MAGI2: variants seen among roughly 807,000 people sequenced by gnomAD.
MAGI2 encodes the protein membrane-associated guanylate kinase, WW and PDZ domain-containing protein 2.
In MAGI2, 35 loss-of-function variants were observed where a neutral mutation model predicts 133.3. The ratio of observed to expected loss-of-function variants is 0.26; its 90% confidence interval spans 0.20 to 0.35. The LOEUF (loss-of-function observed/expected upper bound fraction) is 0.35, where lower values mean the gene tolerates loss of function less well. MAGI2 is among the 10% of genes least tolerant of loss of function. The pLI is 1.00. For synonymous variants in MAGI2, 729 were observed against 710.6 expected, an observed-to-expected ratio of 1.03 and a Z score of -0.41; for missense variants, 1,636 against 1,863.4, an observed-to-expected ratio of 0.88 and a Z score of 2.25.
intron 1 of MAGI2, among the ~76,000 whole-genome samples, chr7:79,382,095 G>A (rs1843832867): frequency 6.6e-6 from 1 of 151,512 alleles, no homozygotes; most frequent in African/African-American, 2.4e-5. Flanking sequence ...GGCAGGCAGA[G>A]GAAGAAATAA....
At chr7:78,160,354 T>C (rs1389939941) in intron 15 of MAGI2, 81 bp from the exon 16 acceptor site, 2 of 1,355,866 alleles carry the variant, frequency 1.5e-6, no homozygotes, top group East Asian at 2.5e-5. Context: ...GGCACTGTTC[T>C]AGACAGTGGT....
intron 1 of MAGI2, among the ~76,000 whole-genome samples, chr7:79,244,879 A>G (rs1202053464): frequency 6.6e-6 from 1 of 152,178 alleles, no homozygotes; most frequent in Non-Finnish European, 1.5e-5. Flanking sequence ...TGGGGAGAGT[A>G]AAGAGGACTT....
At chr7:78,318,734 C>A (rs1259372400) in intron 9 of MAGI2, among the ~76,000 whole-genome samples, 1 of 152,144 alleles carries the variant, frequency 6.6e-6, no homozygotes, top group African/African-American at 2.4e-5. Context: ...GGTCAGGTTA[C>A]CCACAAAAGG....
chr7:78,814,548 T>C (rs1176637886), intron 2 of MAGI2, among the ~76,000 whole-genome samples: 1 of 152,210 alleles, frequency 6.6e-6, no homozygotes, highest in Non-Finnish European at 1.5e-5. Flanking sequence ...TTTACGTGAA[T>C]TACATTAAAT....
rs888513439 is a variant in MAGI2 at position 78,710,050 on chromosome 7, C to T, written c.419-82811G>A. On this transcript the variant is annotated intron_variant, in intron 2 of 21. Coordinates refer to ENST00000354212, the MANE Select transcript of MAGI2 (RefSeq NM_012301.4). ...TATCCAGGAGGGTAAATGCAGCCCT[C>T]AACAGGGAAGGGACCTTTCACGAGA... is the stretch of plus-strand genomic sequence containing the variant. Among the ~76,000 whole-genome samples, 12 of 152,262 alleles carry T rather than the reference C, an allele frequency of 7.9e-5. No homozygotes were observed. In the South Asian group the frequency reaches 1.2e-3, roughly 16 times the overall value.
At chr7:78,859,934 A>C (rs1398144725) in intron 2 of MAGI2, among the ~76,000 whole-genome samples, 1 of 151,902 alleles carries the variant, frequency 6.6e-6, no homozygotes, top group East Asian at 1.9e-4. Flanking sequence ...GGTTTTGTTC[A>C]TTTCTTTTTA....
chr7:78,110,752 A>G (rs1819278597), intron 20 of MAGI2, among the ~76,000 whole-genome samples: 1 of 152,334 alleles, frequency 6.6e-6, no homozygotes, highest in Non-Finnish European at 1.5e-5. Context: ...GAGCAATGCC[A>G]TCTCTGAGTT....
intron 2 of MAGI2, among the ~76,000 whole-genome samples, chr7:78,893,717 G>A (rs530940588): frequency 2.4e-4 from 37 of 151,624 alleles, no homozygotes; most frequent in South Asian, 4.2e-4. Flanking sequence ...ACATCACACC[G>A]GGGCCTGTTG....
chr7:78,243,349 A>G (rs1791398269), intron 10 of MAGI2, among the ~76,000 whole-genome samples: 1 of 152,070 alleles, frequency 6.6e-6, no homozygotes, highest in Non-Finnish European at 1.5e-5. Context: ...GGTGTTATGT[A>G]TATTATACTT....
At chr7:78,208,135 C>CTTT (rs71085515) in intron 10 of MAGI2, among the ~76,000 whole-genome samples, 19,160 of 114,976 alleles carry the variant, frequency 0.17, 2,073 homozygotes, top group African/African-American at 0.25. Context: ...CCCAAAGTGG[C>CTTT]TTTTTTTTTT....
intron 3 of MAGI2, among the ~76,000 whole-genome samples, chr7:78,558,757 A>G (rs949139370): frequency 1.3e-5 from 2 of 152,028 alleles, no homozygotes; most frequent in Admixed American, 6.6e-5. Flanking sequence ...CTTGGTCTCA[A>G]TAACTATTCA....
At chr7:79,204,033 G>A (rs1412110062) in intron 1 of MAGI2, among the ~76,000 whole-genome samples, 1 of 152,008 alleles carries the variant, frequency 6.6e-6, no homozygotes, top group South Asian at 2.1e-4. Flanking sequence ...TACATTACAT[G>A]TATCACTCCT....
intron 1 of MAGI2, among the ~76,000 whole-genome samples, chr7:79,237,893 C>A (rs989345051): frequency 2.0e-5 from 3 of 152,042 alleles, no homozygotes; most frequent in Non-Finnish European, 2.9e-5. Context: ...TAATTATTTC[C>A]TTAGGATAGA....
intron 6 of MAGI2, among the ~76,000 whole-genome samples, chr7:78,396,443 C>T (rs1226837182): frequency 6.6e-6 from 1 of 152,018 alleles, no homozygotes; most frequent in African/African-American, 2.4e-5. Context: ...TATCTCTGCC[C>T]TTTACTTTAC....
chr7:78,440,022 A>G (rs1278010041), intron 6 of MAGI2, among the ~76,000 whole-genome samples: 1 of 151,926 alleles, frequency 6.6e-6, no homozygotes, highest in Admixed American at 6.6e-5. Context: ...TAGAAAATTT[A>G]AAGTTATATA....
chr7:79,305,533 A>T (rs1837719792), intron 1 of MAGI2, among the ~76,000 whole-genome samples: 1 of 152,142 alleles, frequency 6.6e-6, no homozygotes, highest in Non-Finnish European at 1.5e-5. Context: ...GTTAGAACTA[A>T]TTTGACCATG....
At chr7:79,027,169 G>C (rs139667022) in intron 1 of MAGI2, among the ~76,000 whole-genome samples, 1,840 of 151,970 alleles carry the variant, frequency 0.012, 11 homozygotes, top group Middle Eastern at 0.021. Context: ...ATTACCATAT[G>C]ATCTAGCAAT....
intron 16 of MAGI2, among the ~76,000 whole-genome samples, chr7:78,147,222 A>G (rs1363434830): frequency 6.6e-6 from 1 of 152,208 alleles, no homozygotes; most frequent in Non-Finnish European, 1.5e-5. Flanking sequence ...CGAAGTGTTC[A>G]GGAGCTAGAA....
chr7:78,160,301 C>T (rs993579479), intron 15 of MAGI2, 28 bp from the exon 16 acceptor site: 1 of 1,544,282 alleles, frequency 6.5e-7, no homozygotes, highest in African/African-American at 1.4e-5. Flanking sequence ...CACAGGTAAT[C>T]AATTACCTTA....
Sources: allele counts gnomAD v4.1 joint callset (sites outside exome capture counted in the v4.1 genomes callset), GRCh38; gene constraint gnomAD v4.1.1; transcripts MANE v1.5; gene names NCBI Gene and HGNC (gene_info 2026-07-23, HGNC 2026-07-21).